SLC25A42: variants seen among roughly 807,000 people sequenced by gnomAD.
SLC25A42 encodes mitochondrial coenzyme A transporter SLC25A42.
SLC25A42 carries 19 observed loss-of-function variants against 34.7 expected under a neutral mutation model. That is an observed-to-expected ratio of 0.55 (90% CI 0.38 to 0.80). The LOEUF is 0.80. Among genes scored for constraint, SLC25A42 ranks in the 30% least tolerant of loss-of-function variants. The pLI, the probability that SLC25A42 is intolerant of heterozygous loss-of-function variation, is 0.00. For synonymous variants in SLC25A42, 205 were observed against 191.2 expected (o/e 1.07, Z -0.59); for missense variants, 364 against 441.3 (o/e 0.82, Z 1.57).
At position 19,081,260 on chromosome 19, in the gene SLC25A42, G is replaced by A. The variant is rs1035715340; in HGVS notation, c.-34-14831G>A. Among the ~76,000 whole-genome samples the A allele has an allele frequency of 6.6e-6, 1 of 152,114 alleles. No individual in the cohort carries two copies. Among genetic ancestry groups the A allele is most frequent in the Non-Finnish European group, 1.5e-5 (1 of 68,010 alleles). The stretch of plus-strand genomic sequence containing the variant: ...GCAGGATGTCCCAAGTGGCCCCAGG[G>A]TGACTTTCCAGCACTGGACCCATAA... On this transcript the variant is annotated intron_variant, in intron 1 of 7. Coordinates refer to ENST00000318596, the MANE Select transcript of SLC25A42 (RefSeq NM_178526.5). This position sits in a 1 kb window ranked among gnomAD's most constrained non-coding sequence, Gnocchi z 4.5.
At chr19:19,105,107 C>A in intron 4 of SLC25A42, 169 bp downstream of exon 4, 1 of 789,454 alleles carries the variant, frequency 1.3e-6, no homozygotes, top group South Asian at 1.6e-5. Context: ...ACTGACGGGA[C>A]ATCCCGAGTG....
intron 3 of SLC25A42, among the ~76,000 whole-genome samples, 176 bp downstream of exon 3, chr19:19,102,062 G>A (rs183072613): frequency 1.5e-4 from 23 of 151,652 alleles, no homozygotes; most frequent in Admixed American, 1.4e-3. Flanking sequence ...AGGCTGGAGT[G>A]CGGTGGTGCA....
intron 1 of SLC25A42, among the ~76,000 whole-genome samples, chr19:19,079,872 C>T (rs1309968312): frequency 1.3e-5 from 2 of 152,146 alleles, no homozygotes; most frequent in Admixed American, 6.6e-5. Flanking sequence ...TGACCAACCC[C>T]ATGCACAAGT....
intron 6 of SLC25A42, among the ~76,000 whole-genome samples, chr19:19,107,475 T>C (rs1031105511): frequency 3.3e-5 from 5 of 151,700 alleles, no homozygotes; most frequent in Non-Finnish European, 5.9e-5. Context: ...CTACTAAAAA[T>C]AAAAAATTAG....
At chr19:19,093,541 T>C (rs1017644778) in intron 1 of SLC25A42, among the ~76,000 whole-genome samples, 1 of 152,188 alleles carries the variant, frequency 6.6e-6, no homozygotes, top group Non-Finnish European at 1.5e-5. Flanking sequence ...TCCCACCTGA[T>C]CTTTAGTCCT....
chr19:19,091,759 C>A (rs7248771), intron 1 of SLC25A42, among the ~76,000 whole-genome samples: 107,312 of 151,968 alleles, frequency 0.71, 38,304 homozygotes, highest in East Asian at 0.89. Context: ...AGCCTATAAT[C>A]CCAGCTATTC....
chr19:19,099,143 C>T (rs910344257), intron 2 of SLC25A42, among the ~76,000 whole-genome samples: 5 of 152,164 alleles, frequency 3.3e-5, no homozygotes, highest in Non-Finnish European at 5.9e-5. Flanking sequence ...CCAACAAGCG[C>T]CCGCAATTCT....
At chr19:19,068,121 C>T (rs1038649294) in intron 1 of SLC25A42, among the ~76,000 whole-genome samples, 4 of 152,032 alleles carry the variant, frequency 2.6e-5, no homozygotes, top group Non-Finnish European at 4.4e-5. Context: ...TTTGGGAGGC[C>T]GAGGCGGGCA....
intron 2 of SLC25A42, among the ~76,000 whole-genome samples, chr19:19,100,660 G>C (rs2059791425): frequency 6.6e-6 from 1 of 152,146 alleles, no homozygotes; most frequent in South Asian, 2.1e-4. Context: ...CCTCCTCGCG[G>C]CACCTTCCCA....
intron 1 of SLC25A42, among the ~76,000 whole-genome samples, chr19:19,068,673 A>G (rs529333250): frequency 2.0e-5 from 3 of 151,786 alleles, no homozygotes; most frequent in African/African-American, 7.3e-5. Context: ...GTCTCAAGAA[A>G]AAAATAAAAA....
At chr19:19,096,449 A>G (rs2059766157) in intron 2 of SLC25A42, among the ~76,000 whole-genome samples, 2 of 152,028 alleles carry the variant, frequency 1.3e-5, no homozygotes, top group Admixed American at 6.6e-5. Flanking sequence ...CACGGCCCCA[A>G]ATACTCCATC....
At position 19,108,050 on chromosome 19, in the gene SLC25A42, G is replaced by A; in HGVS notation, c.649+5G>A. 1.3e-6 allele frequency: 2 copies of A among 1,549,320 alleles called. No individual in the cohort carries two copies. The stretch of plus-strand genomic sequence containing the variant: ...CGCTCAAGAGCTTGCACAGAGGTAA[G>A]GAGAGCTGGGAGCATGAGGAGGGGA... On this transcript the variant is annotated splice_donor_5th_base_variant and intron_variant, in intron 7 of 7. Transcript: ENST00000318596.
At chr19:19,072,534 C>T (rs746641769) in intron 1 of SLC25A42, among the ~76,000 whole-genome samples, 2 of 151,806 alleles carry the variant, frequency 1.3e-5, no homozygotes, top group South Asian at 2.1e-4. Flanking sequence ...CCTGCCACCA[C>T]GCCTGGCTAA....
intron 1 of SLC25A42, among the ~76,000 whole-genome samples, chr19:19,075,330 A>T (rs2059650610): frequency 6.6e-6 from 1 of 152,064 alleles, no homozygotes; most frequent in African/African-American, 2.4e-5. Flanking sequence ...GTCATTTCCT[A>T]TGTCATCCTC....
intron 1 of SLC25A42, 99 bp from the exon 2 acceptor site, chr19:19,095,992 C>A (rs116489125): frequency 1.3e-6 from 1 of 790,238 alleles, no homozygotes; most frequent in Non-Finnish European, 2.2e-6. Flanking sequence ...CATCCCTCCC[C>A]ACGCAGGGAG....
rs1196989675 is a variant in SLC25A42 at position 19,106,437 on chromosome 19, G to A, written c.497+52G>A. The stretch of plus-strand genomic sequence containing the variant: ...TCAGCCCCGGGGGCTCTGTGTCTCG[G>A]GGGCTCCCAGGTCGGAATCCCTCTC... On this transcript the variant is annotated intron_variant, in intron 6 of 7. Coordinates refer to ENST00000318596, the MANE Select transcript of SLC25A42 (RefSeq NM_178526.5). The A allele has an allele frequency of 2.7e-6, 4 of 1,466,260 alleles. No homozygotes were observed. The South Asian group carries it at 4.8e-5, about 17-fold the overall frequency. 90.8% of individuals were successfully genotyped at this position (1,466,260 alleles called of 1,614,324 possible). A position where few individuals can be genotyped will look rare whatever the true frequency, so the allele number is the denominator to read the frequency against.
chr19:19,095,956 C>T lies in SLC25A42; in HGVS notation c.-34-135C>T, dbSNP rs768635134. 1.8e-5 allele frequency: 13 copies of T among 709,276 alleles called. No homozygotes were observed. The Admixed American group carries it at 2.6e-4, about 14-fold the overall frequency. 43.9% of individuals were successfully genotyped at this position (709,276 alleles called of 1,614,324 possible). A position where few individuals can be genotyped will look rare whatever the true frequency, so the allele number is the denominator to read the frequency against. ...AAATGATTAAGCAGTACACACAGGA[C>T]CGTGGCTGCGGAATGCAGTTGAGGG... On this transcript the variant is annotated intron_variant, in intron 1 of 7. Transcript: ENST00000318596.
Position 19,111,146 on chromosome 19 carries a change from GT to G in SLC25A42, c.*271del, listed in dbSNP as rs1310732350. ...CAGACGCTGGCGCTGTCTGCCGGAG[GT>G]GTTGCCCAAAAGGCCCTAGTGGGGC... On this transcript the variant is annotated 3_prime_UTR_variant, in exon 8 of 8. Transcript: ENST00000318596. 8.6e-5 allele frequency: 45 copies of G among 525,524 alleles called. No individual in the cohort carries two copies. The highest frequency in any genetic ancestry group is 1.7e-5 in the Non-Finnish European group (5 of 294,174). The allele number at this position is 525,524 out of a possible 1,614,324, so 32.6% of individuals were successfully genotyped here.
At chr19:19,079,681 C>G (rs532510824) in intron 1 of SLC25A42, among the ~76,000 whole-genome samples, 1 of 152,300 alleles carries the variant, frequency 6.6e-6, no homozygotes, top group South Asian at 2.1e-4. Flanking sequence ...GTTACTTCCA[C>G]TTTTTGGCTG....
Sources: allele counts gnomAD v4.1 joint callset (sites outside exome capture counted in the v4.1 genomes callset), GRCh38; gene constraint gnomAD v4.1.1; non-coding constraint Gnocchi (gnomAD v3.1); transcripts MANE v1.5; gene names NCBI Gene and HGNC (gene_info 2026-07-23, HGNC 2026-07-21).